PEX14: variants seen among roughly 807,000 people sequenced by gnomAD.
The protein encoded by PEX14 is peroxisomal membrane protein PEX14.
In PEX14, 15 loss-of-function variants were observed where a neutral mutation model predicts 49.5. That is an observed-to-expected ratio of 0.30 (90% confidence interval 0.20 to 0.47). The LOEUF (loss-of-function observed/expected upper bound fraction) is 0.47. Ranked by LOEUF, PEX14 falls within the 20% of genes least tolerant of loss-of-function variation. The pLI is 1.00. For missense variants in PEX14, 398 were observed against 494.8 expected, an observed-to-expected ratio of 0.80 and a Z score of 1.86; for synonymous variants, 210 against 212.7, an observed-to-expected ratio of 0.99 and a Z score of 0.11.
At chr1:10,540,710 A>C (rs1206481091) in intron 3 of PEX14, among the ~76,000 whole-genome samples, 1 of 152,212 alleles carries the variant, frequency 6.6e-6, no homozygotes, top group Non-Finnish European at 1.5e-5. Context: ...TCTTTTCACA[A>C]AGCTTTTCTT....
intron 3 of PEX14, among the ~76,000 whole-genome samples, chr1:10,559,741 ACTTCT>A (rs1366175435): frequency 1.3e-5 from 2 of 152,164 alleles, no homozygotes; most frequent in Non-Finnish European, 2.9e-5. Context: ...AGAACTAGAG[ACTTCT>A]CTTCTCTCAG....
intron 7 of PEX14, 109 bp from the exon 8 acceptor site, chr1:10,627,163 C>T: frequency 1.3e-6 from 1 of 790,358 alleles, no homozygotes; most frequent in South Asian, 1.3e-5. Flanking sequence ...TTCCCCAGAA[C>T]AGACCCAGAA....
Position 10,629,107 on chromosome 1 carries a change from G to A in PEX14, c.678-424G>A, listed in dbSNP as rs1641833831. 6.6e-6 allele frequency among the ~76,000 whole-genome samples: 1 copy of A among 152,226 alleles called. No individual in the cohort carries two copies. The highest frequency in any genetic ancestry group is 1.5e-5 in the Non-Finnish European group (1 of 68,028). ...AGGCCATAGACAAATGAGGACTGTG[G>A]CTCAGGTGTCTGGAGTCCCCAGTCA... On this transcript the variant is annotated intron_variant, in intron 8 of 8. Transcript: ENST00000356607. The surrounding 1 kb of genome is among the most constrained non-coding windows in gnomAD (Gnocchi z 8.5).
intron 3 of PEX14, among the ~76,000 whole-genome samples, chr1:10,541,318 C>G (rs1276751135): frequency 6.6e-6 from 1 of 152,108 alleles, no homozygotes; most frequent in Non-Finnish European, 1.5e-5. Context: ...TGAGAGCTAC[C>G]AGGGGAGACA....
chr1:10,551,553 C>G (rs1639335103), intron 3 of PEX14, among the ~76,000 whole-genome samples: 1 of 152,078 alleles, frequency 6.6e-6, no homozygotes, highest in Non-Finnish European at 1.5e-5. Flanking sequence ...CGCATACTGC[C>G]TGAACACTAA....
At chr1:10,496,398 G>C (rs1174416395) in intron 2 of PEX14, among the ~76,000 whole-genome samples, 1 of 152,108 alleles carries the variant, frequency 6.6e-6, no homozygotes, top group Non-Finnish European at 1.5e-5. Context: ...AGGTCATGGT[G>C]GTGGGAAAGC....
intron 3 of PEX14, among the ~76,000 whole-genome samples, chr1:10,561,628 A>G (rs908093689): frequency 2.0e-5 from 3 of 152,214 alleles, no homozygotes; most frequent in Admixed American, 1.3e-4. Context: ...TATTAAAGGT[A>G]CATTTTCCCT....
chr1:10,508,579 C>A lies in PEX14; in HGVS notation c.84+13258C>A, dbSNP rs1980932. ...CAGAGTGAGTCCCAGCTCCCTCCCC[C>A]CCAGAAGTGCACCTCCTACTGTGCC... On this transcript the variant is annotated intron_variant, in intron 2 of 8. Coordinates refer to ENST00000356607, the MANE Select transcript of PEX14 (RefSeq NM_004565.3). Among the ~76,000 whole-genome samples the A allele has an allele frequency of 4.9e-3, 751 of 152,250 alleles. 8 individuals are homozygous for A. Among genetic ancestry groups the A allele is most frequent in the African/African-American group, 0.017 (712 of 41,496 alleles).
At chr1:10,504,195 G>A (rs1294456194) in intron 2 of PEX14, among the ~76,000 whole-genome samples, 2 of 152,122 alleles carry the variant, frequency 1.3e-5, no homozygotes, top group African/African-American at 2.4e-5. Context: ...CGTATTCACC[G>A]CCCTTCCTTC....
chr1:10,567,973 A>G (rs1639855793), intron 3 of PEX14, among the ~76,000 whole-genome samples: 1 of 152,126 alleles, frequency 6.6e-6, no homozygotes, highest in Non-Finnish European at 1.5e-5. Context: ...GTATTCTTTC[A>G]TTATGTCTTT....
At chr1:10,481,997 G>C (rs1641290781) in intron 1 of PEX14, among the ~76,000 whole-genome samples, 1 of 150,450 alleles carries the variant, frequency 6.6e-6, no homozygotes, top group South Asian at 2.1e-4. Flanking sequence ...AATTATTTTT[G>C]TATTTTTTGT....
At chr1:10,614,591 G>A (rs1641360971) in intron 4 of PEX14, among the ~76,000 whole-genome samples, 1 of 152,208 alleles carries the variant, frequency 6.6e-6, no homozygotes. Flanking sequence ...GGATGTTTGC[G>A]GGTGAGCAGA....
intron 1 of PEX14, among the ~76,000 whole-genome samples, chr1:10,475,867 T>A (rs1641186706): frequency 6.6e-6 from 1 of 152,198 alleles, no homozygotes; most frequent in Non-Finnish European, 1.5e-5. Flanking sequence ...TATTATCTCG[T>A]TTAGTGTTCA....
chr1:10,595,534 T>C (rs1640811871), intron 3 of PEX14, among the ~76,000 whole-genome samples: 1 of 152,326 alleles, frequency 6.6e-6, no homozygotes, highest in Admixed American at 6.5e-5. Context: ...CATAAAGGCT[T>C]AGTGCCAGTG....
At chr1:10,500,133 G>A (rs907792869) in intron 2 of PEX14, among the ~76,000 whole-genome samples, 1 of 135,536 alleles carries the variant, frequency 7.4e-6, no homozygotes, top group Admixed American at 7.7e-5. Context: ...GCAAGGCACG[G>A]TGCTCACGCC....
chr1:10,617,890 C>T (rs1047231419), intron 4 of PEX14, among the ~76,000 whole-genome samples: 2 of 152,208 alleles, frequency 1.3e-5, no homozygotes, highest in Non-Finnish European at 2.9e-5. Flanking sequence ...GCTGAGGCCC[C>T]GCTTGGTTCT....
intron 5 of PEX14, among the ~76,000 whole-genome samples, chr1:10,618,637 C>T (rs1043755195): frequency 6.7e-6 from 1 of 149,014 alleles, no homozygotes; most frequent in Non-Finnish European, 1.5e-5. Context: ...CTCCAGTGCT[C>T]AGCATATACC....
At chr1:10,608,650 G>A (rs1040698934) in intron 4 of PEX14, among the ~76,000 whole-genome samples, 1 of 135,600 alleles carries the variant, frequency 7.4e-6, no homozygotes, top group Non-Finnish European at 1.5e-5. Context: ...TGACAACAGC[G>A]AGACTCCGTC....
At chr1:10,523,847 A>G (rs996444013) in intron 2 of PEX14, among the ~76,000 whole-genome samples, 17 of 130,902 alleles carry the variant, frequency 1.3e-4, no homozygotes, top group Non-Finnish European at 1.9e-4. Context: ...AAAAAAAAAA[A>G]TCCAAGAGAG....
Sources: allele counts gnomAD v4.1 joint callset (sites outside exome capture counted in the v4.1 genomes callset), GRCh38; gene constraint gnomAD v4.1.1; non-coding constraint Gnocchi (gnomAD v3.1); transcripts MANE v1.5; gene names NCBI Gene and HGNC (gene_info 2026-07-23, HGNC 2026-07-21).